Variants in SPINT4 observed in about 807,000 individuals in gnomAD.
SPINT4 encodes serine peptidase inhibitor, Kunitz type 4.
In SPINT4, 7 loss-of-function variants were observed where a neutral mutation model predicts 9.4. The ratio of observed to expected loss-of-function variants is 0.74; its 90% CI spans 0.42 to 1.40. The LOEUF is 1.40. Ranked by LOEUF, SPINT4 falls within the 40% of genes most tolerant of loss-of-function variation. SPINT4 has a pLI of 0.01. For synonymous variants in SPINT4, 36 were observed against 39.9 expected, an observed-to-expected ratio of 0.90 and a Z score of 0.37; for missense variants, 105 against 114.4, an observed-to-expected ratio of 0.92 and a Z score of 0.37.
intron 1 of SPINT4, among the ~76,000 whole-genome samples, chr20:45,723,227 G>C (rs1984843242): frequency 6.6e-6 from 1 of 152,020 alleles, no homozygotes; most frequent in South Asian, 2.1e-4. Context: ...GAGTAAGGTG[G>C]ATTGTCAATA....
intron 1 of SPINT4, among the ~76,000 whole-genome samples, chr20:45,723,003 TAC>T (rs1984838082): frequency 6.6e-6 from 1 of 152,108 alleles, no homozygotes; most frequent in Non-Finnish European, 1.5e-5. Flanking sequence ...GCACAGTTTA[TAC>T]CGTAAGTCAG....
At chr20:45,723,843 C>T (rs751965060) in intron 1 of SPINT4, 37 bp from the exon 2 acceptor site, 10 of 1,522,786 alleles carry the variant, frequency 6.6e-6, no homozygotes, top group Non-Finnish European at 7.9e-6. Flanking sequence ...TGAGTCCTTA[C>T]CAATTCCCAC....
Position 45,722,460 on chromosome 20 carries a change from G to A in SPINT4, c.93G>A (p.Glu31=). 6.2e-7 allele frequency: 1 copy of A among 1,611,718 alleles called. No individual in the cohort carries two copies. The highest frequency in any genetic ancestry group is 8.5e-7 in the Non-Finnish European group (1 of 1,177,750). ...LLLGGVNKIA[E]KICGDLKDPC... Reference sequence around the variant, plus strand: ...TGGGTGGTGTTAATAAAATTGCGGAGAAGATATGTGGAGACCTCAAAGGTA... The same window carrying A: ...TGGGTGGTGTTAATAAAATTGCGGAAAAGATATGTGGAGACCTCAAAGGTA... The change falls in exon 1 of 3, where the codon GAG becomes GAA. Residue 31 remains glutamate (E), a synonymous_variant. Coordinates refer to ENST00000279058, the MANE Select transcript of SPINT4 (RefSeq NM_178455.3).
intron 2 of SPINT4, among the ~76,000 whole-genome samples, chr20:45,724,657 A>G (rs920418457): frequency 6.6e-6 from 1 of 151,652 alleles, no homozygotes; most frequent in Non-Finnish European, 1.5e-5. Flanking sequence ...TGCACTAAGC[A>G]ATTAACATAT....
At chr20:45,723,813 A>T (rs1984858768) in intron 1 of SPINT4, 67 bp from the exon 2 acceptor site, 1 of 1,370,998 alleles carries the variant, frequency 7.3e-7, no homozygotes, top group Non-Finnish European at 9.8e-7. Flanking sequence ...TTAAGGGCCC[A>T]TAAAGACAAG....
chr20:45,723,830 T>C, intron 1 of SPINT4, 50 bp from the exon 2 acceptor site: 2 of 1,462,620 alleles, frequency 1.4e-6, no homozygotes, highest in East Asian at 5.0e-5. Flanking sequence ...CAAGTTCTCC[T>C]GCTGAGTCCT....
At chr20:45,723,532 T>TGGG (rs1243325223) in intron 1 of SPINT4, among the ~76,000 whole-genome samples, 1 of 152,082 alleles carries the variant, frequency 6.6e-6, no homozygotes, top group African/African-American at 2.4e-5. Context: ...GAAGATGATG[T>TGGG]GGGGAAGCAG....
intron 1 of SPINT4, 133 bp from the exon 2 acceptor site, chr20:45,723,747 C>A (rs1194784048): frequency 5.5e-6 from 4 of 726,164 alleles, no homozygotes; most frequent in East Asian, 2.9e-5. Context: ...AAGAGAAAAC[C>A]ACATCTTTCA....
intron 1 of SPINT4, among the ~76,000 whole-genome samples, chr20:45,723,095 T>A (rs1984840479): frequency 6.6e-6 from 1 of 152,106 alleles, no homozygotes; most frequent in East Asian, 1.9e-4. Flanking sequence ...ATTCTCTTAG[T>A]CTCAGTTTCC....
chr20:45,725,015 T>TATATACACACATATATATATATATACAC (rs1555809007), intron 2 of SPINT4, among the ~76,000 whole-genome samples: 1 of 113,522 alleles, frequency 8.8e-6, no homozygotes, highest in Non-Finnish European at 1.7e-5. Flanking sequence ...TATATATATA[T>TATATACACACATATATATATATATACAC]ATATATATAT....
chr20:45,724,118 C>G, intron 2 of SPINT4, 61 bp downstream of exon 2: 1 of 1,499,888 alleles, frequency 6.7e-7, no homozygotes, highest in Non-Finnish European at 9.0e-7. Context: ...TTTTGACATC[C>G]TAAGATAGAG....
At position 45,722,400 on chromosome 20, in the gene SPINT4, A is replaced by C; in HGVS notation, c.33A>C (p.Arg11Ser). Residue 11 changes from arginine to serine, a missense_variant, in exon 1 of 3, where the codon AGA (arginine) becomes AGC (serine). Coordinates refer to ENST00000279058, the MANE Select transcript of SPINT4 (RefSeq NM_178455.3). ...CTGCCAAGCTGGGATTTCTTCTAAG[A>C]TTCTTCATCTTCTGCTCATTGAATA... MKSAKLGFLL[R>S]FFIFCSLNTL... is the part of the protein sequence containing the mutation. 1 of 1,613,678 alleles carries C rather than the reference A, an allele frequency of 6.2e-7. No individual in the cohort carries two copies. The highest frequency in any genetic ancestry group is 8.5e-7 in the Non-Finnish European group (1 of 1,179,576).
In SPINT4 at chr20:45,725,673, C is replaced by G. The variant is rs80206193; in HGVS notation, c.*38C>G. The G allele has an allele frequency of 1.9e-6, 3 of 1,611,314 alleles. No homozygotes were observed. The highest frequency in any genetic ancestry group is 2.5e-6 in the Non-Finnish European group (3 of 1,177,700). ...TCATGAAGTTGTCTGCTGCACCATCCGAAATAAAGACACAAGAAAATTCAG... is the reference window on the plus strand; with the variant it reads ...TCATGAAGTTGTCTGCTGCACCATCGGAAATAAAGACACAAGAAAATTCAG... On this transcript the variant is annotated 3_prime_UTR_variant, in exon 3 of 3. Coordinates refer to ENST00000279058, the MANE Select transcript of SPINT4 (RefSeq NM_178455.3).
Position 45,723,995 on chromosome 20 carries a change from C to T in SPINT4, c.231C>T (p.Asn77=), listed in dbSNP as rs200862274. ...ETFVFSGCNG[N]LNNFKLKIER... Reference sequence around the variant, plus strand: ...TTGTCTTCTCCGGCTGTAATGGCAACCTTAACAACTTCAAGCTTAAAATAG... The same window carrying T: ...TTGTCTTCTCCGGCTGTAATGGCAATCTTAACAACTTCAAGCTTAAAATAG... The change falls in exon 2 of 3, where the codon AAC becomes AAT. Residue 77 remains asparagine (N), a synonymous_variant. Transcript: ENST00000279058. 9.3e-6 allele frequency: 15 copies of T among 1,610,262 alleles called. No homozygotes were observed. Among genetic ancestry groups the T allele is most frequent in the African/African-American group, 1.3e-5 (1 of 74,556 alleles).
At chr20:45,725,253 T>C (rs536882375) in intron 2 of SPINT4, among the ~76,000 whole-genome samples, 49 of 151,522 alleles carry the variant, frequency 3.2e-4, no homozygotes, top group African/African-American at 1.1e-3. Context: ...TTTATACAAC[T>C]AAGCTCCCAG....
At chr20:45,723,045 G>C (rs1212840129) in intron 1 of SPINT4, among the ~76,000 whole-genome samples, 3 of 152,092 alleles carry the variant, frequency 2.0e-5, no homozygotes, top group Non-Finnish European at 4.4e-5. Context: ...TGTTCACTTA[G>C]CAGATATGTG....
intron 2 of SPINT4, among the ~76,000 whole-genome samples, chr20:45,724,899 G>A (rs1984895572): frequency 7.0e-6 from 1 of 142,592 alleles, no homozygotes; most frequent in Admixed American, 7.1e-5. Flanking sequence ...AGAATGGTGT[G>A]AACCCGGGAG....
intron 1 of SPINT4, 119 bp downstream of exon 1, chr20:45,722,601 A>G (rs543867120): frequency 1.4e-6 from 1 of 721,898 alleles, no homozygotes; most frequent in Admixed American, 2.3e-5. Flanking sequence ...GACAATACCC[A>G]TAGACACTTA....
At chr20:45,722,736 G>A (rs1444786507) in intron 1 of SPINT4, among the ~76,000 whole-genome samples, 1 of 152,140 alleles carries the variant, frequency 6.6e-6, no homozygotes, top group Non-Finnish European at 1.5e-5. Flanking sequence ...AGGACTGGAA[G>A]TATTTTGAAT....
Sources: allele counts gnomAD v4.1 joint callset (sites outside exome capture counted in the v4.1 genomes callset), GRCh38; gene constraint gnomAD v4.1.1; transcripts MANE v1.5; gene names NCBI Gene and HGNC (gene_info 2026-07-23, HGNC 2026-07-21).